Variants in SIL1 observed in about 807,000 individuals in gnomAD.
The protein encoded by SIL1 is nucleotide exchange factor SIL1.
In SIL1, 40 loss-of-function variants were observed where a neutral mutation model predicts 49.1. The observed-to-expected ratio is 0.81, with a 90% CI of 0.63 to 1.06. The LOEUF (loss-of-function observed/expected upper bound fraction) is 1.06, where lower values mean the gene tolerates loss of function less well. Ranked by LOEUF, SIL1 falls within the 50% of genes least tolerant of loss-of-function variation. SIL1 has a pLI of 0.00. For missense variants in SIL1, 500 were observed against 572.6 expected (o/e 0.87, Z 1.29); for synonymous variants, 253 against 250.8 (o/e 1.01, Z -0.08).
intron 5 of SIL1, among the ~76,000 whole-genome samples, chr5:139,041,834 CA>C (rs1188300439): frequency 7.1e-6 from 1 of 141,806 alleles, no homozygotes; most frequent in Non-Finnish European, 1.5e-5. Flanking sequence ...AAAAAAAAAA[CA>C]AAAAAAAGCA....
chr5:139,198,118 T>G (rs1038876948), intron 1 of SIL1, among the ~76,000 whole-genome samples, 151 bp downstream of exon 1: 4 of 152,102 alleles, frequency 2.6e-5, no homozygotes, highest in African/African-American at 9.7e-5. Context: ...CCGGGCCCAC[T>G]TGGACGTCCC....
At chr5:139,070,966 C>T (rs1462813273) in intron 3 of SIL1, among the ~76,000 whole-genome samples, 1 of 151,946 alleles carries the variant, frequency 6.6e-6, no homozygotes, top group African/African-American at 2.4e-5. Context: ...TGCAATCCCA[C>T]AAAAAGAGAA....
intron 1 of SIL1, among the ~76,000 whole-genome samples, chr5:139,136,611 A>G (rs1263939524): frequency 6.6e-6 from 1 of 152,200 alleles, no homozygotes; most frequent in Non-Finnish European, 1.5e-5. Flanking sequence ...GTTGTAGGCA[A>G]CAATGTCAGG....
chr5:139,101,885 G>A (rs943994635), intron 3 of SIL1, among the ~76,000 whole-genome samples: 2 of 152,202 alleles, frequency 1.3e-5, no homozygotes, highest in African/African-American at 4.8e-5. Flanking sequence ...CAAAGAAGAA[G>A]AATCCAGGGA....
chr5:139,094,535 T>C (rs1770413520), intron 3 of SIL1, among the ~76,000 whole-genome samples: 1 of 152,238 alleles, frequency 6.6e-6, no homozygotes, highest in Admixed American at 6.5e-5. Flanking sequence ...AAAACATTTT[T>C]GAAAGGGTAG....
intron 7 of SIL1, among the ~76,000 whole-genome samples, chr5:138,984,057 C>A (rs1387068573): frequency 6.6e-6 from 1 of 152,136 alleles, no homozygotes; most frequent in Non-Finnish European, 1.5e-5. Flanking sequence ...AGGTTCCAAT[C>A]AAGATCTGAA....
intron 3 of SIL1, among the ~76,000 whole-genome samples, chr5:139,117,329 T>C (rs771003903): frequency 7.2e-5 from 11 of 152,214 alleles, no homozygotes; most frequent in Admixed American, 1.3e-4. Context: ...GTTGTTTGGC[T>C]GAGTCCTTCC....
chr5:138,967,774 C>A (rs1289804644), intron 7 of SIL1, among the ~76,000 whole-genome samples: 2 of 152,126 alleles, frequency 1.3e-5, no homozygotes, highest in African/African-American at 4.8e-5. Context: ...CAGCAGCCCC[C>A]CCAGGACTAG....
chr5:139,167,055 A>G (rs997694402), intron 1 of SIL1, among the ~76,000 whole-genome samples: 2 of 151,570 alleles, frequency 1.3e-5, no homozygotes, highest in Non-Finnish European at 2.9e-5. Flanking sequence ...CTTGTGATCC[A>G]CCCGCCTCAG....
intron 1 of SIL1, among the ~76,000 whole-genome samples, chr5:139,169,337 G>C (rs557002366): frequency 1.3e-5 from 2 of 152,068 alleles, no homozygotes; most frequent in African/African-American, 4.8e-5. Context: ...CACAAACACT[G>C]GGAAAGGCAA....
At chr5:139,112,030 G>A (rs1770858833) in intron 3 of SIL1, among the ~76,000 whole-genome samples, 1 of 152,208 alleles carries the variant, frequency 6.6e-6, no homozygotes, top group African/African-American at 2.4e-5. Context: ...TTTTTTTGCT[G>A]GAGACGGGGT....
intron 4 of SIL1, among the ~76,000 whole-genome samples, chr5:139,047,669 AGGGGC>A (rs1212451497): frequency 7.9e-5 from 12 of 152,348 alleles, no homozygotes; most frequent in African/African-American, 2.9e-4. Context: ...TCCAGTGCTA[AGGGGC>A]CAGGAAGACA....
At chr5:139,177,474 G>A (rs1399481614) in intron 1 of SIL1, among the ~76,000 whole-genome samples, 2 of 151,940 alleles carry the variant, frequency 1.3e-5, no homozygotes, top group East Asian at 3.9e-4. Flanking sequence ...TCCTGATCTC[G>A]TGATCCACCT....
At chr5:139,164,284 T>C (rs894517096) in intron 1 of SIL1, among the ~76,000 whole-genome samples, 13 of 152,122 alleles carry the variant, frequency 8.5e-5, no homozygotes, top group Non-Finnish European at 1.9e-4. Context: ...CACCAGCTAC[T>C]TTCTCTAATG....
chr5:138,950,033 T>C (rs1273347216), intron 9 of SIL1, among the ~76,000 whole-genome samples: 2 of 152,090 alleles, frequency 1.3e-5, no homozygotes, highest in African/African-American at 2.4e-5. Flanking sequence ...AGAGGCAGGC[T>C]CCCGGGGCCG....
intron 1 of SIL1, among the ~76,000 whole-genome samples, chr5:139,147,149 G>A (rs1751209768): frequency 6.6e-6 from 1 of 152,210 alleles, no homozygotes; most frequent in Admixed American, 6.5e-5. Flanking sequence ...GCCCTGGCAG[G>A]AGTATAGAGC....
At chr5:139,149,361 A>T (rs1469818773) in intron 1 of SIL1, among the ~76,000 whole-genome samples, 1 of 152,206 alleles carries the variant, frequency 6.6e-6, no homozygotes, top group African/African-American at 2.4e-5. Context: ...TAGGGACCAT[A>T]CAACAAGTTG....
At chr5:139,016,499 G>A (rs1768402963) in intron 7 of SIL1, among the ~76,000 whole-genome samples, 1 of 152,030 alleles carries the variant, frequency 6.6e-6, no homozygotes, top group African/African-American at 2.4e-5. Context: ...AAAGAGAGAA[G>A]GAGGACAAGG....
chr5:139,054,324 T>A (rs1769357247), intron 3 of SIL1, among the ~76,000 whole-genome samples: 1 of 152,168 alleles, frequency 6.6e-6, no homozygotes, highest in African/African-American at 2.4e-5. Context: ...GTGGGAAGAT[T>A]GCCTGAGCTC....
Sources: allele counts gnomAD v4.1 joint callset (sites outside exome capture counted in the v4.1 genomes callset), GRCh38; gene constraint gnomAD v4.1.1; transcripts MANE v1.5; gene names NCBI Gene and HGNC (gene_info 2026-07-23, HGNC 2026-07-21).